Variants in CNBD1 observed in about 807,000 individuals in gnomAD.
The protein encoded by CNBD1 is cyclic nucleotide-binding domain-containing protein 1.
CNBD1 carries 71 observed loss-of-function variants against 54.4 expected under a neutral mutation model. That is an observed-to-expected ratio of 1.30 (90% CI 1.08 to 1.59). The LOEUF (loss-of-function observed/expected upper bound fraction) is 1.59. Ranked by LOEUF, CNBD1 falls within the 40% of genes most tolerant of loss-of-function variation. The pLI, the probability that CNBD1 is intolerant of heterozygous loss-of-function variation, is 0.00. For synonymous variants in CNBD1, 182 were observed against 170.7 expected (o/e 1.07, Z -0.51); for missense variants, 659 against 518.0 (o/e 1.27, Z -2.64).
chr8:87,148,860 G>A (rs975325273), intron 4 of CNBD1, among the ~76,000 whole-genome samples: 2 of 152,156 alleles, frequency 1.3e-5, no homozygotes, highest in African/African-American at 4.8e-5. Context: ...TGATACTACA[G>A]CTGCTACTAC....
At chr8:87,176,792 C>G (rs1813209041) in intron 4 of CNBD1, among the ~76,000 whole-genome samples, 1 of 151,910 alleles carries the variant, frequency 6.6e-6, no homozygotes, top group Admixed American at 6.6e-5. Context: ...CCTGGCTTTG[C>G]TAGTATTTTT....
intron 4 of CNBD1, among the ~76,000 whole-genome samples, chr8:86,986,088 T>C (rs1453223826): frequency 1.3e-5 from 2 of 151,820 alleles, no homozygotes; most frequent in Non-Finnish European, 2.9e-5. Context: ...CACCATCACG[T>C]CCATCTAATT....
chr8:87,396,046 C>T (rs1811403937), intron 2 of CNBD1, among the ~76,000 whole-genome samples: 1 of 151,924 alleles, frequency 6.6e-6, no homozygotes, highest in South Asian at 2.1e-4. Flanking sequence ...TTATAAATTA[C>T]TCAGGCTCGG....
intron 2 of CNBD1, among the ~76,000 whole-genome samples, chr8:86,896,439 G>A (rs1808849471): frequency 6.6e-6 from 1 of 152,038 alleles, no homozygotes; most frequent in Non-Finnish European, 1.5e-5. Context: ...TGTCTTTGGG[G>A]CAGTGTATAT....
chr8:86,979,772 C>G (rs1808433256), intron 4 of CNBD1, among the ~76,000 whole-genome samples: 1 of 152,070 alleles, frequency 6.6e-6, no homozygotes, highest in African/African-American at 2.4e-5. Context: ...AACATTATGT[C>G]AAAGGCTACC....
chr8:87,233,851 A>G (rs917236311), intron 5 of CNBD1, among the ~76,000 whole-genome samples: 1 of 152,208 alleles, frequency 6.6e-6, no homozygotes, highest in Non-Finnish European at 1.5e-5. Flanking sequence ...ACTTATCTGT[A>G]GCATGTAATG....
chr8:86,889,144 G>C lies in CNBD1; in HGVS notation c.158+1533G>C, dbSNP rs1808728236. On this transcript the variant is annotated intron_variant, in intron 2 of 10. Transcript: ENST00000518476. Reference sequence around the variant, plus strand: ...TTTGGAGCACTGGTACACACCAGGGGCCTGGGGGAACAGGTTTTAAGGTAT... The same window carrying C: ...TTTGGAGCACTGGTACACACCAGGGCCCTGGGGGAACAGGTTTTAAGGTAT... 2.6e-5 allele frequency among the ~76,000 whole-genome samples: 4 copies of C among 152,310 alleles called. No homozygotes were observed. The South Asian group carries it at 8.3e-4, about 32-fold the overall frequency.
intron 8 of CNBD1, among the ~76,000 whole-genome samples, chr8:87,310,687 G>A (rs1809246112): frequency 1.3e-5 from 2 of 151,988 alleles, no homozygotes; most frequent in Non-Finnish European, 2.9e-5. Flanking sequence ...GCAATTTTAA[G>A]CAAAAAGAAC....
At position 87,166,069 on chromosome 8, in the gene CNBD1, T is replaced by C. The variant is rs535884413; in HGVS notation, c.432-39924T>C. Among the ~76,000 whole-genome samples, 10 of 152,070 alleles carry C rather than the reference T, an allele frequency of 6.6e-5. No homozygotes were observed. Among genetic ancestry groups the C allele is most frequent in the African/African-American group, 2.4e-4 (10 of 41,540 alleles). On this transcript the variant is annotated intron_variant, in intron 4 of 10. Coordinates refer to ENST00000518476, the MANE Select transcript of CNBD1 (RefSeq NM_173538.3). The surrounding 1 kb of genome is among the most constrained non-coding windows in gnomAD (Gnocchi z 4.3). Reference sequence around the variant, plus strand: ...TTGAAGGCCTTATAAGGGCATCTTCTACCATATCTGAAATAAAACTAACTC... The same window carrying C: ...TTGAAGGCCTTATAAGGGCATCTTCCACCATATCTGAAATAAAACTAACTC...
chr8:86,909,529 GT>G lies in CNBD1; in HGVS notation c.272+4345del, dbSNP rs569396041. Among the ~76,000 whole-genome samples the G allele has an allele frequency of 9.4e-4, 140 of 148,624 alleles. 3 individuals carry two copies. In the Middle Eastern group the frequency reaches 0.014, roughly 15 times the overall value. On this transcript the variant is annotated intron_variant, in intron 3 of 10. Coordinates refer to ENST00000518476, the MANE Select transcript of CNBD1 (RefSeq NM_173538.3). ...ATTCCTAAATAAACATTGCAGTGTG[GT>G]TTTTTTTTTATTATACTTTCAGTTC... is the stretch of plus-strand genomic sequence containing the variant.
chr8:86,872,028 A>C (rs1808449828), intron 1 of CNBD1, among the ~76,000 whole-genome samples: 1 of 152,230 alleles, frequency 6.6e-6, no homozygotes, highest in Non-Finnish European at 1.5e-5. Flanking sequence ...TTCGTACATC[A>C]TCTGTAGTGC....
intron 4 of CNBD1, among the ~76,000 whole-genome samples, chr8:87,042,656 G>T (rs13256552): frequency 0.02 from 2,998 of 152,184 alleles, 52 homozygotes; most frequent in South Asian, 0.035. Context: ...ATATTTTATG[G>T]TCAACAGAGT....
intron 1 of CNBD1, among the ~76,000 whole-genome samples, chr8:86,870,419 G>A (rs941652660): frequency 2.0e-5 from 3 of 151,694 alleles, no homozygotes; most frequent in African/African-American, 4.8e-5. Flanking sequence ...GAATGGTCTC[G>A]ATCTCCTGAC....
chr8:86,900,686 A>G (rs961554764), intron 2 of CNBD1, among the ~76,000 whole-genome samples: 1 of 152,198 alleles, frequency 6.6e-6, no homozygotes, highest in South Asian at 2.1e-4. Context: ...ATAAAAAAAA[A>G]TGAAAGGTTT....
chr8:87,349,164 C>T (rs1477936801), intron 8 of CNBD1, among the ~76,000 whole-genome samples: 2 of 152,002 alleles, frequency 1.3e-5, no homozygotes, highest in African/African-American at 4.8e-5. Context: ...TGCAGATCAT[C>T]GTATGTTATT....
intron 4 of CNBD1, among the ~76,000 whole-genome samples, chr8:87,091,767 G>A (rs192260400): frequency 1.3e-4 from 20 of 151,602 alleles, no homozygotes; most frequent in Non-Finnish European, 2.4e-4. Context: ...TATCCTTCAT[G>A]TGTAAAGGAG....
At chr8:87,180,473 A>T (rs1813288974) in intron 4 of CNBD1, among the ~76,000 whole-genome samples, 1 of 152,214 alleles carries the variant, frequency 6.6e-6, no homozygotes, top group Non-Finnish European at 1.5e-5. Flanking sequence ...TTAACTTTAG[A>T]TAAAACAATA....
intron 4 of CNBD1, among the ~76,000 whole-genome samples, chr8:87,041,885 G>T (rs752627139): frequency 1.3e-5 from 2 of 152,164 alleles, no homozygotes; most frequent in African/African-American, 4.8e-5. Flanking sequence ...TTTGTTACTG[G>T]GTGGACTAGA....
rs576331873 is a variant in CNBD1 at position 87,076,721 on chromosome 8, C to T, written c.432-129272C>T. On this transcript the variant is annotated intron_variant, in intron 4 of 10. Transcript: ENST00000518476. ...CCTCCCAAAGTGCTGGGATTACAGG[C>T]GTGAGCCACCACACCCGGCTGAACT... is the stretch of plus-strand genomic sequence containing the variant. Among the ~76,000 whole-genome samples the T allele has an allele frequency of 1.3e-4, 20 of 151,940 alleles. No homozygotes were observed. The East Asian group carries it at 1.6e-3, about 12-fold the overall frequency.
Sources: gnomAD v4.1 joint callset for allele counts (sites outside exome capture counted in the v4.1 genomes callset) on GRCh38, gnomAD v4.1.1 for gene constraint, Gnocchi (gnomAD v3.1) non-coding constraint, MANE v1.5 for transcripts, NCBI Gene and HGNC (gene_info 2026-07-23, HGNC 2026-07-21) for gene names.